Variants in UNC79 observed in about 807,000 individuals in gnomAD.
UNC79 encodes protein unc-79 homolog.
UNC79 carries 37 observed loss-of-function variants against 283.1 expected under a neutral mutation model. That is an observed-to-expected ratio of 0.13 (90% CI 0.10 to 0.17). The LOEUF is 0.17. UNC79 is among the 10% of genes least tolerant of loss of function. UNC79 has a pLI of 1.00. For missense variants in UNC79, 2,272 were observed against 3,211.1 expected (o/e 0.71, Z 7.07); for synonymous variants, 1,107 against 1,200.2 (o/e 0.92, Z 1.61).
chr14:93,352,602 A>G (rs1421948186), intron 1 of UNC79, among the ~76,000 whole-genome samples: 2 of 152,152 alleles, frequency 1.3e-5, no homozygotes, highest in Non-Finnish European at 2.9e-5. Context: ...TGTTTGGGGT[A>G]GTTTTGTTCT....
chr14:93,542,791 G>C, intron 14 of UNC79, 95 bp downstream of exon 14: 2 of 1,148,152 alleles, frequency 1.7e-6, no homozygotes, highest in Non-Finnish European at 1.3e-6. Context: ...GTCTGCAGAG[G>C]AGGAACATCT....
intron 18 of UNC79, 47 bp from the exon 19 acceptor site, chr14:93,580,099 CTTT>C (rs149492147): frequency 2.3e-6 from 3 of 1,307,774 alleles, no homozygotes; most frequent in Admixed American, 2.4e-5. Context: ...CCTTCTTCTT[CTTT>C]TTTTTTTGTG....
At chr14:93,433,019 G>C (rs1488995846) in intron 1 of UNC79, among the ~76,000 whole-genome samples, 10 of 152,140 alleles carry the variant, frequency 6.6e-5, no homozygotes, top group Admixed American at 6.5e-4. Flanking sequence ...AGCTATTTTA[G>C]ACGTGTTAGT....
chr14:93,645,897 C>T (rs2069547355), intron 34 of UNC79, among the ~76,000 whole-genome samples: 1 of 152,074 alleles, frequency 6.6e-6, no homozygotes. Context: ...GGTCTTGGCT[C>T]AGCTCACTCT....
intron 1 of UNC79, among the ~76,000 whole-genome samples, chr14:93,350,305 G>A (rs779245724): frequency 3.4e-4 from 51 of 152,162 alleles, no homozygotes; most frequent in Non-Finnish European, 5.9e-4. Flanking sequence ...AAAATAGGAA[G>A]TAAAAGAGAT....
chr14:93,704,687 A>G, intron 48 of UNC79, 21 bp downstream of exon 51: 1 of 1,613,950 alleles, frequency 6.2e-7, no homozygotes, highest in African/African-American at 1.3e-5. Flanking sequence ...CCCTGGGCTG[A>G]TTGGAAGCTC....
At chr14:93,488,428 C>T (rs1021045212) in intron 5 of UNC79, among the ~76,000 whole-genome samples, 24 of 151,676 alleles carry the variant, frequency 1.6e-4, no homozygotes, top group African/African-American at 5.8e-4. Flanking sequence ...AAAACATGTG[C>T]TAACATGTAA....
chr14:93,333,410 G>C, exon 1 of UNC79: 1 of 398,670 alleles, frequency 2.5e-6, no homozygotes, highest in East Asian at 3.6e-5. Flanking sequence ...GCGTCCCTCG[G>C]GTGGTCGCAT....
chr14:93,505,703 T>C (rs2059500344), intron 7 of UNC79, among the ~76,000 whole-genome samples: 3 of 151,642 alleles, frequency 2.0e-5, no homozygotes, highest in African/African-American at 7.2e-5. Context: ...CTATTTTTCC[T>C]GCTTCTTTTT....
chr14:93,683,884 A>G (rs1228167574), intron 42 of UNC79, among the ~76,000 whole-genome samples: 1 of 151,706 alleles, frequency 6.6e-6, no homozygotes, highest in African/African-American at 2.4e-5. Flanking sequence ...GGCATGAAGG[A>G]CATATAGGAA....
chr14:93,481,660 T>G (rs1222280460), intron 4 of UNC79, among the ~76,000 whole-genome samples: 2 of 152,154 alleles, frequency 1.3e-5, no homozygotes, highest in Non-Finnish European at 2.9e-5. Context: ...TTAAAGGCAA[T>G]TGCGTGACTT....
chr14:93,497,970 G>A (rs2059094982), intron 7 of UNC79, among the ~76,000 whole-genome samples: 1 of 150,652 alleles, frequency 6.6e-6, no homozygotes, highest in South Asian at 2.1e-4. Flanking sequence ...TGGCTACAGA[G>A]CGAGATTCTG....
At chr14:93,426,613 A>C (rs2055734874), upstream of UNC79, among the ~76,000 whole-genome samples, 1 of 151,294 alleles carries the variant, frequency 6.6e-6, no homozygotes, top group African/African-American at 2.4e-5. Flanking sequence ...CTTTAAGCTT[A>C]CTTCATATTT....
At chr14:93,476,975 A>G (rs2057837857) in intron 3 of UNC79, among the ~76,000 whole-genome samples, 2 of 152,190 alleles carry the variant, frequency 1.3e-5, no homozygotes, top group Non-Finnish European at 2.9e-5. Context: ...TATTGTTATG[A>G]TCCCTGTTTA....
chr14:93,694,242 G>C (rs375972592), intron 46 of UNC79, 93 bp from the exon 50 acceptor site: 1 of 1,142,976 alleles, frequency 8.7e-7, no homozygotes, highest in Non-Finnish European at 1.3e-6. Flanking sequence ...AGACCTCATG[G>C]GCACAGGACA....
At chr14:93,659,294 G>T (rs1380119232) in intron 39 of UNC79, 33 bp downstream of exon 42, 1 of 1,565,820 alleles carries the variant, frequency 6.4e-7, no homozygotes, top group Non-Finnish European at 8.7e-7. Context: ...TAACCAATTG[G>T]TTAGTCAGTT....
intron 1 of UNC79, among the ~76,000 whole-genome samples, chr14:93,391,865 T>C (rs117207366): frequency 0.026 from 3,886 of 152,332 alleles, 68 homozygotes; most frequent in Middle Eastern, 0.041. Flanking sequence ...TGAGAAATGC[T>C]CAACTCAGTA....
intron 1 of UNC79, among the ~76,000 whole-genome samples, chr14:93,362,932 T>C (rs558224323): frequency 1.3e-4 from 20 of 152,174 alleles, no homozygotes; most frequent in African/African-American, 4.8e-4. Flanking sequence ...AAGAATAAAC[T>C]TTTGGTTTTT....
At chr14:93,350,081 A>G (rs2053953494) in intron 1 of UNC79, among the ~76,000 whole-genome samples, 1 of 152,174 alleles carries the variant, frequency 6.6e-6, no homozygotes, top group Non-Finnish European at 1.5e-5. Context: ...GGGAAAATGT[A>G]TTTCTAAAAT....
Sources: gnomAD v4.1 joint callset for allele counts (sites outside exome capture counted in the v4.1 genomes callset) on GRCh38, gnomAD v4.1.1 for gene constraint, MANE v1.5 for transcripts, NCBI Gene and HGNC (gene_info 2026-07-23, HGNC 2026-07-21) for gene names.